The following KCNJ3 variants were observed in gnomAD, a reference collection of about 807,000 sequenced individuals.
KCNJ3 encodes G protein-activated inward rectifier potassium channel 1.
KCNJ3 carries 4 observed loss-of-function variants against 39.2 expected under a neutral mutation model. That is an observed-to-expected ratio of 0.10 (90% CI 0.05 to 0.23). The LOEUF is 0.23. KCNJ3 is among the 10% of genes least tolerant of loss of function. KCNJ3 has a pLI of 1.00. For synonymous variants in KCNJ3, 230 were observed against 237.4 expected, an observed-to-expected ratio of 0.97 and a Z score of 0.29; for missense variants, 276 against 634.9, an observed-to-expected ratio of 0.43 and a Z score of 6.08.
intron 2 of KCNJ3, among the ~76,000 whole-genome samples, chr2:154,851,908 A>AT (rs567590860): frequency 1.4e-3 from 206 of 152,220 alleles, no homozygotes; most frequent in African/African-American, 4.2e-3. Flanking sequence ...CAAAATTTTG[A>AT]TTTTTTATGT....
intron 2 of KCNJ3, among the ~76,000 whole-genome samples, chr2:154,775,996 G>A (rs572810722): frequency 7.0e-6 from 1 of 143,842 alleles, no homozygotes; most frequent in East Asian, 2.0e-4. Context: ...GAACTCAGGA[G>A]AAGTGATTCT....
chr2:154,857,746 T>C lies in KCNJ3; in HGVS notation c.*2433T>C, dbSNP rs1465473464. 1 of 151,152 alleles carries C rather than the reference T, an allele frequency of 6.6e-6. No homozygotes were observed. The highest frequency in any genetic ancestry group is 1.5e-5 in the Non-Finnish European group (1 of 67,890). 9.4% of individuals were successfully genotyped at this position (151,152 alleles called of 1,614,324 possible). ...AAATACAAAAATTAACTGGGCATGG[T>C]GGCAGGCACCTGTAATCCCAGCTAC... On this transcript the variant is annotated 3_prime_UTR_variant, in exon 3 of 3. Coordinates refer to ENST00000295101, the MANE Select transcript of KCNJ3 (RefSeq NM_002239.4).
At chr2:154,846,368 C>A (rs549223726) in intron 2 of KCNJ3, among the ~76,000 whole-genome samples, 32 of 152,210 alleles carry the variant, frequency 2.1e-4, no homozygotes, top group African/African-American at 7.5e-4. Context: ...TTAATTGGAA[C>A]CTTAATAATC....
At chr2:154,829,473 T>C (rs1687325920) in intron 2 of KCNJ3, among the ~76,000 whole-genome samples, 1 of 152,224 alleles carries the variant, frequency 6.6e-6, no homozygotes, top group Non-Finnish European at 1.5e-5. Context: ...TTCTTTCTTA[T>C]AGCTGTGTAG....
intron 2 of KCNJ3, among the ~76,000 whole-genome samples, chr2:154,756,740 C>T (rs958250732): frequency 1.3e-5 from 2 of 151,810 alleles, no homozygotes; most frequent in Non-Finnish European, 2.9e-5. Flanking sequence ...TGCACATGTA[C>T]CCCGGAACTT....
intron 2 of KCNJ3, among the ~76,000 whole-genome samples, chr2:154,765,429 T>C (rs887291007): frequency 6.6e-6 from 1 of 152,176 alleles, no homozygotes; most frequent in Non-Finnish European, 1.5e-5. Flanking sequence ...TTTCTCTTGC[T>C]AGAATGTAAA....
intron 2 of KCNJ3, among the ~76,000 whole-genome samples, chr2:154,798,222 G>A (rs2652445): frequency 0.18 from 9,631 of 52,514 alleles, 352 homozygotes; most frequent in Non-Finnish European, 0.25. Flanking sequence ...ACACACACAC[G>A]CACAGAGTCT....
intron 2 of KCNJ3, among the ~76,000 whole-genome samples, chr2:154,730,116 C>A (rs1321515766): frequency 6.6e-6 from 1 of 151,842 alleles, no homozygotes; most frequent in African/African-American, 2.4e-5. Flanking sequence ...GCTTATAACT[C>A]TGAAATGATG....
chr2:154,781,506 A>C (rs1686436654), intron 2 of KCNJ3, among the ~76,000 whole-genome samples: 1 of 152,224 alleles, frequency 6.6e-6, no homozygotes, highest in Non-Finnish European at 1.5e-5. Flanking sequence ...AGAAAGAAAA[A>C]GGAAGCAGCA....
At chr2:154,827,506 T>A (rs1476802769) in intron 2 of KCNJ3, among the ~76,000 whole-genome samples, 1 of 152,098 alleles carries the variant, frequency 6.6e-6, no homozygotes, top group African/African-American at 2.4e-5. Flanking sequence ...CTTATGTTAA[T>A]GAGACTGTTT....
chr2:154,794,329 A>T (rs562399818), intron 2 of KCNJ3, among the ~76,000 whole-genome samples: 1 of 152,154 alleles, frequency 6.6e-6, no homozygotes, highest in East Asian at 1.9e-4. Flanking sequence ...GTTCTTTAAA[A>T]ATATCTGCCA....
intron 2 of KCNJ3, among the ~76,000 whole-genome samples, chr2:154,831,561 T>C (rs985211719): frequency 6.6e-5 from 10 of 152,102 alleles, no homozygotes; most frequent in Non-Finnish European, 1.5e-4. Flanking sequence ...TTAAGGACAG[T>C]GTCCAATGGG....
chr2:154,819,095 G>A (rs903955917), intron 2 of KCNJ3, among the ~76,000 whole-genome samples: 4 of 151,656 alleles, frequency 2.6e-5, no homozygotes, highest in Admixed American at 6.6e-5. Flanking sequence ...CTAAGAGTTC[G>A]AGACCAGCCT....
At chr2:154,745,161 C>T (rs764116162) in intron 2 of KCNJ3, among the ~76,000 whole-genome samples, 1 of 151,860 alleles carries the variant, frequency 6.6e-6, no homozygotes, top group African/African-American at 2.4e-5. Context: ...TATCTTGATA[C>T]ATGCTATGTT....
At chr2:154,759,480 C>A (rs1686000280) in intron 2 of KCNJ3, among the ~76,000 whole-genome samples, 1 of 151,464 alleles carries the variant, frequency 6.6e-6, no homozygotes, top group African/African-American at 2.4e-5. Flanking sequence ...GTGTATATAG[C>A]ATCCAGATGT....
intron 2 of KCNJ3, among the ~76,000 whole-genome samples, chr2:154,848,761 A>G (rs1331630081): frequency 6.6e-6 from 1 of 152,198 alleles, no homozygotes; most frequent in Non-Finnish European, 1.5e-5. Flanking sequence ...GGTAAACAGC[A>G]TAGGTGGTAG....
At chr2:154,747,605 A>T (rs1388417553) in intron 2 of KCNJ3, among the ~76,000 whole-genome samples, 1 of 151,958 alleles carries the variant, frequency 6.6e-6, no homozygotes, top group African/African-American at 2.4e-5. Flanking sequence ...CATCTCCATT[A>T]TAAGTAAACG....
intron 2 of KCNJ3, among the ~76,000 whole-genome samples, chr2:154,766,331 A>G (rs753092486): frequency 2.0e-5 from 3 of 152,104 alleles, no homozygotes; most frequent in Non-Finnish European, 4.4e-5. Flanking sequence ...GTCTGAGTGT[A>G]GTATATTCAT....
intron 2 of KCNJ3, among the ~76,000 whole-genome samples, chr2:154,783,229 C>T (rs550313180): frequency 3.3e-5 from 5 of 152,120 alleles, no homozygotes; most frequent in African/African-American, 9.6e-5. Context: ...ACAGAGGAGA[C>T]ACTGAAACAA....
Sources: gnomAD v4.1 joint callset for allele counts (sites outside exome capture counted in the v4.1 genomes callset) on GRCh38, gnomAD v4.1.1 for gene constraint, MANE v1.5 for transcripts, NCBI Gene and HGNC (gene_info 2026-07-23, HGNC 2026-07-21) for gene names.